TENT4B: variants seen among roughly 807,000 people sequenced by gnomAD.
TENT4B encodes terminal nucleotidyltransferase 4B, also known as PAP associated domain containing 5.
TENT4B carries 10 observed loss-of-function variants against 75.0 expected under a neutral mutation model. That is an observed-to-expected ratio of 0.13 (90% confidence interval 0.08 to 0.23). TENT4B has a LOEUF of 0.23. TENT4B is among the 10% of genes least tolerant of loss of function. The pLI, the probability that TENT4B is intolerant of heterozygous loss-of-function variation, is 1.00. For synonymous variants in TENT4B, 350 were observed against 357.7 expected (o/e 0.98, Z 0.24); for missense variants, 579 against 893.8 (o/e 0.65, Z 4.49).
intron 2 of TENT4B, 50 bp from the exon 3 acceptor site, chr16:50,214,171 T>C (rs1596735667): frequency 7.2e-7 from 1 of 1,390,706 alleles, no homozygotes; most frequent in African/African-American, 1.4e-5. Flanking sequence ...CTCAATATGA[T>C]AACAACTTCT....
At chr16:50,195,221 G>C (rs1191138351) in intron 1 of TENT4B, among the ~76,000 whole-genome samples, 1 of 152,176 alleles carries the variant, frequency 6.6e-6, no homozygotes, top group Non-Finnish European at 1.5e-5. Context: ...GAATAGGTAA[G>C]AGCTTCTTTG....
chr16:50,188,802 G>C (rs898958221), intron 1 of TENT4B, among the ~76,000 whole-genome samples: 1 of 152,196 alleles, frequency 6.6e-6, no homozygotes, highest in African/African-American at 2.4e-5. Context: ...GTAGTGAGCT[G>C]TGATTGTGCC....
At position 50,153,892 on chromosome 16, in the gene TENT4B, C is replaced by A; in HGVS notation, c.271C>A (p.Leu91Met). Reference sequence around the variant, plus strand: ...CATGTATCGCTCCGGGGAGCGCCTGCTGGGCAGCCACGCGCTGCCCGCGGA... The same window carrying A: ...CATGTATCGCTCCGGGGAGCGCCTGATGGGCAGCCACGCGCTGCCCGCGGA... ...AGMYRSGERL[L>M]GSHALPAEQR... The change falls in exon 1 of 12, where the codon CTG becomes ATG. Residue 91 changes from leucine to methionine, a missense_variant. Coordinates refer to ENST00000561678, the MANE Select transcript of TENT4B (RefSeq NM_001365324.3). 6.6e-7 allele frequency: 1 copy of A among 1,519,168 alleles called. No homozygotes were observed. The allele number at this position is 1,519,168 out of a possible 1,614,324, so 94.1% of individuals were successfully genotyped here. A position where few individuals can be genotyped will look rare whatever the true frequency, so the allele number is the denominator to read the frequency against.
At position 50,153,953 on chromosome 16, in the gene TENT4B, A is replaced by G. The variant is rs1381135283; in HGVS notation, c.332A>G (p.Asn111Ser). 6.5e-7 allele frequency: 1 copy of G among 1,533,432 alleles called. No homozygotes were observed. Among genetic ancestry groups the G allele is most frequent in the Non-Finnish European group, 8.7e-7 (1 of 1,145,948 alleles). 95.0% of individuals were successfully genotyped at this position (1,533,432 alleles called of 1,614,324 possible). A position where few individuals can be genotyped will look rare whatever the true frequency, so the allele number is the denominator to read the frequency against. The change falls in exon 1 of 12, where the codon AAC becomes AGC. Residue 111 changes from asparagine (N) to serine (S), a missense_variant. This residue lies in a region of TENT4B where 253 missense variants were observed against 270.1 expected (regional missense o/e 0.94). Transcript: ENST00000561678. ...RDFLPLETTN[N>S]NNNHHQPGAW... ...TTCCTGCCCCTAGAGACGACCAACA[A>G]CAACAACAACCACCACCAGCCCGGG...
At chr16:50,225,736 G>A (rs1366419971) in intron 10 of TENT4B, among the ~76,000 whole-genome samples, 1 of 150,980 alleles carries the variant, frequency 6.6e-6, no homozygotes, top group Admixed American at 6.6e-5. Context: ...AGGCTGGAGT[G>A]CAGTGGTATG....
At chr16:50,201,492 G>A (rs972346573) in intron 1 of TENT4B, among the ~76,000 whole-genome samples, 4 of 150,618 alleles carry the variant, frequency 2.7e-5, no homozygotes, top group Admixed American at 1.3e-4. Context: ...AGCCGAGATC[G>A]CGCCACTGCA....
At chr16:50,208,168 G>A (rs1246611518) in intron 1 of TENT4B, among the ~76,000 whole-genome samples, 2 of 152,040 alleles carry the variant, frequency 1.3e-5, no homozygotes, top group Non-Finnish European at 2.9e-5. Flanking sequence ...CTCTTTTTCT[G>A]TATTCCTCTT....
At position 50,233,657 on chromosome 16, in the gene TENT4B, G is replaced by A. The variant is rs2032362802; in HGVS notation, c.*4329G>A. ...AGTTTTTAGTTAATAAACTGCTAAT[G>A]TTTATTTTACTGTCTCTCAGGTTTT... On this transcript the variant is annotated 3_prime_UTR_variant, in exon 12 of 12. Coordinates refer to ENST00000561678, the MANE Select transcript of TENT4B (RefSeq NM_001365324.3). 1.0e-6 allele frequency: 1 copy of A among 982,972 alleles called. No individual in the cohort carries two copies. Among genetic ancestry groups the A allele is most frequent in the African/African-American group, 1.8e-5 (1 of 56,976 alleles). The allele number at this position is 982,972 out of a possible 1,614,324, so 60.9% of individuals were successfully genotyped here.
intron 1 of TENT4B, among the ~76,000 whole-genome samples, chr16:50,199,083 C>A (rs747475063): frequency 1.3e-5 from 2 of 152,290 alleles, no homozygotes; most frequent in Non-Finnish European, 2.9e-5. Context: ...CTTTGTGCAG[C>A]CAGAGGAAAG....
Position 50,214,389 on chromosome 16 carries a change from C to G in TENT4B, c.809+122C>G. On this transcript the variant is annotated intron_variant, in intron 3 of 11. Coordinates refer to ENST00000561678, the MANE Select transcript of TENT4B (RefSeq NM_001365324.3). ...AACAAAATGGGGCTGGGCATGGTGG[C>G]TCATGCCTGTAATCCTAGCACTTCG... is the stretch of plus-strand genomic sequence containing the variant. The G allele has an allele frequency of 4.2e-6, 3 of 721,552 alleles. No homozygotes were observed. The East Asian group carries it at 8.6e-5, about 21-fold the overall frequency. 44.7% of individuals were successfully genotyped at this position (721,552 alleles called of 1,614,324 possible).
At chr16:50,153,004 G>T (rs2037787991), upstream of TENT4B, 2 of 1,517,572 alleles carry the variant, frequency 1.3e-6, no homozygotes, top group Non-Finnish European at 1.8e-6. Flanking sequence ...GAGAAGCCGC[G>T]CGCGCCTCAG....
rs966928854 is a variant in TENT4B, at chr16:50,230,105, GTTTAT to G, written c.*786_*790del. ...GAAAAGGTTTATGGTGGCAAATGATGTTTATTTTATTTTGTAAAAAAAAAAAAATG... is the reference window on the plus strand; with the variant it reads ...GAAAAGGTTTATGGTGGCAAATGATGTTTATTTTGTAAAAAAAAAAAAATG... On this transcript the variant is annotated 3_prime_UTR_variant, in exon 12 of 12. Coordinates refer to ENST00000561678, the MANE Select transcript of TENT4B (RefSeq NM_001365324.3). The G allele has an allele frequency of 3.1e-6, 3 of 982,172 alleles. No homozygotes were observed. In the African/African-American group the frequency reaches 5.3e-5, roughly 17 times the overall value. The allele number at this position is 982,172 out of a possible 1,614,324, so 60.8% of individuals were successfully genotyped here. A position where few individuals can be genotyped will look rare whatever the true frequency, so the allele number is the denominator to read the frequency against.
intron 10 of TENT4B, among the ~76,000 whole-genome samples, chr16:50,227,494 T>TA (rs1262582630): frequency 6.6e-6 from 1 of 152,246 alleles, no homozygotes; most frequent in Non-Finnish European, 1.5e-5. Flanking sequence ...CATCATCTTG[T>TA]GTCTGGCTGA....
At chr16:50,189,205 CA>C (rs1419911371) in intron 1 of TENT4B, among the ~76,000 whole-genome samples, 1 of 152,002 alleles carries the variant, frequency 6.6e-6, no homozygotes, top group Non-Finnish European at 1.5e-5. Flanking sequence ...ATTGTGCTGT[CA>C]AAATTCTGTC....
chr16:50,218,430 G>A (rs953501597), intron 5 of TENT4B, among the ~76,000 whole-genome samples: 2 of 151,862 alleles, frequency 1.3e-5, no homozygotes, highest in African/African-American at 4.8e-5. Context: ...TCCGCCTCCC[G>A]GGTTCAAGCA....
chr16:50,154,006 G>T lies in TENT4B; in HGVS notation c.385G>T (p.Ala129Ser). The T allele has an allele frequency of 6.5e-7, 1 of 1,533,776 alleles. No homozygotes were observed. Among genetic ancestry groups the T allele is most frequent in the Non-Finnish European group, 8.7e-7 (1 of 1,145,884 alleles). The change falls in exon 1 of 12, where the codon GCG (alanine) becomes TCG (serine). Residue 129 changes from alanine to serine, a missense_variant. Transcript: ENST00000561678. ...GAWARRAGSS[A>S]SSPPSASSSP... ...CTGGGCCCGCCGGGCGGGCTCCTCGGCGTCCTCGCCTCCCTCGGCGTCCTC... is the reference window on the plus strand; with the variant it reads ...CTGGGCCCGCCGGGCGGGCTCCTCGTCGTCCTCGCCTCCCTCGGCGTCCTC...
intron 1 of TENT4B, among the ~76,000 whole-genome samples, chr16:50,185,626 A>T (rs892091436): frequency 6.6e-6 from 1 of 152,184 alleles, no homozygotes; most frequent in Non-Finnish European, 1.5e-5. Flanking sequence ...TTTTATAATT[A>T]CTTAACACGT....
At chr16:50,211,118 C>T (rs1234716255) in intron 1 of TENT4B, among the ~76,000 whole-genome samples, 1 of 152,164 alleles carries the variant, frequency 6.6e-6, no homozygotes, top group East Asian at 1.9e-4. Flanking sequence ...AAGTGTTTTG[C>T]ACAGGAAATT....
In TENT4B at chr16:50,198,086, T is replaced by A. The variant is rs2030393046; in HGVS notation, c.639-13237T>A. 2.1e-5 allele frequency among the ~76,000 whole-genome samples: 3 copies of A among 145,376 alleles called. No homozygotes were observed. The Admixed American group carries it at 2.1e-4, about 10-fold the overall frequency. On this transcript the variant is annotated intron_variant, in intron 1 of 11. Coordinates refer to ENST00000561678, the MANE Select transcript of TENT4B (RefSeq NM_001365324.3). ...TGGCTACAAAATAAACACACAAAAG[T>A]CAGTATCTGTAATATGTGACAGAAA...
Sources: allele counts gnomAD v4.1 joint callset (sites outside exome capture counted in the v4.1 genomes callset), GRCh38; gene constraint gnomAD v4.1.1; regional missense constraint gnomAD v4.1.1; transcripts MANE v1.5; gene names NCBI Gene and HGNC (gene_info 2026-07-23, HGNC 2026-07-21).